Variants in PIK3CB observed in about 807,000 individuals in gnomAD.
PIK3CB encodes phosphatidylinositol 4,5-bisphosphate 3-kinase catalytic subunit beta isoform.
In PIK3CB, 39 loss-of-function variants were observed where a neutral mutation model predicts 136.8. That is an observed-to-expected ratio of 0.29 (90% CI 0.22 to 0.37). PIK3CB has a LOEUF of 0.37. Ranked by LOEUF, PIK3CB falls within the 10% of genes least tolerant of loss-of-function variation. PIK3CB has a pLI of 1.00. For synonymous variants in PIK3CB, 428 were observed against 436.6 expected, an observed-to-expected ratio of 0.98 and a Z score of 0.25; for missense variants, 868 against 1,275.4, an observed-to-expected ratio of 0.68 and a Z score of 4.87.
chr3:138,742,338 A>C (rs2045262215), intron 5 of PIK3CB, among the ~76,000 whole-genome samples: 1 of 152,202 alleles, frequency 6.6e-6, no homozygotes, highest in Non-Finnish European at 1.5e-5. Flanking sequence ...TGCCAATCCC[A>C]TTCTAAATCA....
rs189545328 is a variant in PIK3CB at position 138,674,391 on chromosome 3, G to A, written c.2504+7576C>T. 2.0e-5 allele frequency among the ~76,000 whole-genome samples: 3 copies of A among 152,128 alleles called. No homozygotes were observed. The East Asian group carries it at 5.8e-4, about 29-fold the overall frequency. On this transcript the variant is annotated intron_variant, in intron 19 of 23. Transcript: ENST00000674063. ...CAGACTGGAAGAGGGGTGGATTCCA[G>A]GCATTTAAGAAAATCAGGTCAACCA...
chr3:138,790,813 CAAAAAAAAAAAAA>C (rs1166123184), intron 2 of PIK3CB, among the ~76,000 whole-genome samples: 1 of 70,862 alleles, frequency 1.4e-5, no homozygotes, highest in Non-Finnish European at 2.9e-5. Context: ...GACTCCTTCT[CAAAAAAAAAAAAA>C]AAAGAAAAAA....
At chr3:138,692,700 A>C (rs920535007) in intron 14 of PIK3CB, among the ~76,000 whole-genome samples, 3 of 152,242 alleles carry the variant, frequency 2.0e-5, no homozygotes, top group Non-Finnish European at 2.9e-5. Context: ...CACAGCTTAA[A>C]ACATACACGA....
intron 7 of PIK3CB, among the ~76,000 whole-genome samples, chr3:138,733,740 T>C (rs2045040703): frequency 6.6e-6 from 1 of 152,002 alleles, no homozygotes; most frequent in African/African-American, 2.4e-5. Flanking sequence ...TAGCTGGGCA[T>C]GGTGGCGGGC....
intron 1 of PIK3CB, among the ~76,000 whole-genome samples, chr3:138,804,786 A>T (rs1378111625): frequency 6.6e-6 from 1 of 152,154 alleles, no homozygotes; most frequent in Admixed American, 6.6e-5. Context: ...GCACTTTGGG[A>T]GGCCAAGGTG....
At chr3:138,700,125 G>A (rs1274896535) in intron 12 of PIK3CB, among the ~76,000 whole-genome samples, 2 of 152,192 alleles carry the variant, frequency 1.3e-5, no homozygotes, top group Non-Finnish European at 2.9e-5. Context: ...AGGAGGCTGA[G>A]GTGGGAGGAT....
At chr3:138,763,811 T>C (rs1251265424) in intron 2 of PIK3CB, among the ~76,000 whole-genome samples, 1 of 152,132 alleles carries the variant, frequency 6.6e-6, no homozygotes, top group Non-Finnish European at 1.5e-5. Flanking sequence ...TTAAGGTAGA[T>C]ACAAAAATTT....
intron 2 of PIK3CB, among the ~76,000 whole-genome samples, chr3:138,773,289 G>C (rs1211510948): frequency 1.3e-5 from 2 of 151,988 alleles, no homozygotes; most frequent in Non-Finnish European, 2.9e-5. Flanking sequence ...TACTTGGGAG[G>C]CTGAGGCAGG....
Position 138,734,775 on chromosome 3 carries a change from G to T in PIK3CB, c.831C>A (p.Ala277=). The change falls in exon 7 of 24, where the codon GCC becomes GCA. Residue 277 remains alanine (A), a synonymous_variant. Coordinates refer to ENST00000674063, the MANE Select transcript of PIK3CB (RefSeq NM_006219.3). ...QYIRNCVMNR[A]LPHFILVECC... ...ATTCCACAAGTATAAAATGGGGCAG[G>T]GCTCTGTTCATCACACAGTTCCGGA... is the stretch of plus-strand genomic sequence containing the variant. The T allele has an allele frequency of 6.2e-7, 1 of 1,612,946 alleles. No individual in the cohort carries two copies. Among genetic ancestry groups the T allele is most frequent in the Non-Finnish European group, 8.5e-7 (1 of 1,179,452 alleles).
intron 10 of PIK3CB, among the ~76,000 whole-genome samples, chr3:138,710,827 G>A (rs1303919260): frequency 6.6e-6 from 1 of 152,194 alleles, no homozygotes; most frequent in Non-Finnish European, 1.5e-5. Flanking sequence ...GCTCACGCCT[G>A]TAATCCCAGC....
At chr3:138,709,658 G>T (rs2044454075) in intron 10 of PIK3CB, among the ~76,000 whole-genome samples, 1 of 152,100 alleles carries the variant, frequency 6.6e-6, no homozygotes. Context: ...GAACTAATGT[G>T]TTCATTTATT....
intron 19 of PIK3CB, among the ~76,000 whole-genome samples, chr3:138,669,812 G>T (rs544075354): frequency 6.6e-6 from 1 of 152,032 alleles, no homozygotes; most frequent in African/African-American, 2.4e-5. Flanking sequence ...TCAAGATTTG[G>T]GATTGACCTT....
At chr3:138,820,714 G>C (rs2108899396) in intron 1 of PIK3CB, among the ~76,000 whole-genome samples, 1 of 152,184 alleles carries the variant, frequency 6.6e-6, no homozygotes. Context: ...GGCTAGTCTA[G>C]AACTACTGAC....
intron 4 of PIK3CB, among the ~76,000 whole-genome samples, chr3:138,751,543 C>T (rs1409424190): frequency 6.6e-6 from 1 of 152,010 alleles, no homozygotes; most frequent in African/African-American, 2.4e-5. Flanking sequence ...CCCTACATAC[C>T]TTCTTCTAAG....
At chr3:138,720,231 G>GA (rs1251067873) in intron 8 of PIK3CB, among the ~76,000 whole-genome samples, 1 of 152,076 alleles carries the variant, frequency 6.6e-6, no homozygotes, top group Non-Finnish European at 1.5e-5. Context: ...ATGCCACCCT[G>GA]AATTTGACTT....
chr3:138,694,537 T>A (rs1239411896), intron 14 of PIK3CB, among the ~76,000 whole-genome samples: 4 of 152,182 alleles, frequency 2.6e-5, no homozygotes, highest in African/African-American at 9.7e-5. Flanking sequence ...TGTGCTGAGT[T>A]CTGAGTCCTC....
At chr3:138,824,641 C>CA (rs1457815947) in intron 1 of PIK3CB, among the ~76,000 whole-genome samples, 2 of 151,540 alleles carry the variant, frequency 1.3e-5, no homozygotes, top group Admixed American at 1.3e-4. Flanking sequence ...TGCAGTGAGC[C>CA]AAGATCACGC....
At chr3:138,775,474 T>C (rs2045847260) in intron 2 of PIK3CB, among the ~76,000 whole-genome samples, 1 of 152,030 alleles carries the variant, frequency 6.6e-6, no homozygotes, top group Non-Finnish European at 1.5e-5. Context: ...GATTGCAGTG[T>C]TTTTTACCTC....
At chr3:138,712,473 A>G (rs1408611548) in intron 9 of PIK3CB, among the ~76,000 whole-genome samples, 169 bp from the exon 10 acceptor site, 2 of 152,186 alleles carry the variant, frequency 1.3e-5, no homozygotes, top group African/African-American at 4.8e-5. Flanking sequence ...CACTATCTTT[A>G]TTACGTTTAA....
Sources: gnomAD v4.1 joint callset for allele counts (sites outside exome capture counted in the v4.1 genomes callset) on GRCh38, gnomAD v4.1.1 for gene constraint, MANE v1.5 for transcripts, NCBI Gene and HGNC (gene_info 2026-07-23, HGNC 2026-07-21) for gene names.